Variants in TNR observed in about 807,000 individuals in gnomAD.
TNR encodes the protein tenascin R.
Under a neutral mutation model 150.4 loss-of-function variants are expected in TNR, and 45 were observed. That is an observed-to-expected ratio of 0.30 (90% CI 0.24 to 0.38). The LOEUF (loss-of-function observed/expected upper bound fraction) is 0.38. TNR is among the 10% of genes least tolerant of loss of function. TNR has a pLI of 1.00. For missense variants in TNR, 1,544 were observed against 1,759.1 expected (o/e 0.88, Z 2.19); for synonymous variants, 687 against 678.4 (o/e 1.01, Z -0.20).
intron 1 of TNR, among the ~76,000 whole-genome samples, chr1:175,572,218 A>AGTTGG (rs1661902360): frequency 6.6e-6 from 1 of 152,234 alleles, no homozygotes; most frequent in South Asian, 2.1e-4. Flanking sequence ...CAGTTGGCTT[A>AGTTGG]AAGAGTAGCC....
chr1:175,708,771 A>G (rs1666911793), intron 1 of TNR, among the ~76,000 whole-genome samples: 1 of 152,204 alleles, frequency 6.6e-6, no homozygotes, highest in Non-Finnish European at 1.5e-5. Context: ...CCAACCAACC[A>G]TTTCAGACAA....
intron 1 of TNR, among the ~76,000 whole-genome samples, chr1:175,667,705 A>T (rs1266385164): frequency 6.6e-6 from 1 of 152,194 alleles, no homozygotes; most frequent in Non-Finnish European, 1.5e-5. Flanking sequence ...GGAGCTGCAG[A>T]TCCTGCTTCT....
intron 2 of TNR, among the ~76,000 whole-genome samples, chr1:175,418,672 C>T (rs546421868): frequency 2.0e-5 from 3 of 150,626 alleles, no homozygotes; most frequent in Non-Finnish European, 3.0e-5. Context: ...TGCAGTGAGC[C>T]GAGATTGTGC....
At chr1:175,513,420 G>T (rs1013236368) in intron 2 of TNR, among the ~76,000 whole-genome samples, 2 of 152,140 alleles carry the variant, frequency 1.3e-5, no homozygotes, top group African/African-American at 4.8e-5. Context: ...GAGTTGGTCT[G>T]CCTGCAGAGA....
chr1:175,719,150 G>T (rs1028832564), intron 1 of TNR, among the ~76,000 whole-genome samples: 2 of 152,162 alleles, frequency 1.3e-5, no homozygotes, highest in Admixed American at 1.3e-4. Context: ...CCCTACAGAA[G>T]CATGGGTGAG....
intron 2 of TNR, among the ~76,000 whole-genome samples, chr1:175,493,459 C>A (rs527598697): frequency 6.6e-6 from 1 of 152,194 alleles, no homozygotes; most frequent in African/African-American, 2.4e-5. Context: ...GAGACCAGGG[C>A]GGCCTCTCTG....
At chr1:175,329,965 G>A in intron 21 of TNR, 109 bp downstream of exon 21, 1 of 1,222,382 alleles carries the variant, frequency 8.2e-7, no homozygotes, top group Middle Eastern at 3.1e-4. Context: ...AGCAGCGAAT[G>A]CTGGAACTCT....
intron 2 of TNR, among the ~76,000 whole-genome samples, chr1:175,527,090 C>A (rs1470967870): frequency 1.3e-5 from 2 of 152,230 alleles, no homozygotes; most frequent in Non-Finnish European, 2.9e-5. Flanking sequence ...TAATACACTG[C>A]CAGTGTTGCT....
rs1649164463 is a variant in TNR, at chr1:175,323,330, A to G, written c.*27T>C. The G allele has an allele frequency of 6.2e-7, 1 of 1,609,236 alleles. No homozygotes were observed. The highest frequency in any genetic ancestry group is 1.3e-5 in the African/African-American group (1 of 74,680). ...AAAATACAAACAAATGACAGAAAATATTGGTTGGCTTGCAGCCGCCCACTG... is the reference window on the plus strand; with the variant it reads ...AAAATACAAACAAATGACAGAAAATGTTGGTTGGCTTGCAGCCGCCCACTG... On this transcript the variant is annotated 3_prime_UTR_variant, in exon 23 of 23. Transcript: ENST00000367674.
intron 2 of TNR, among the ~76,000 whole-genome samples, chr1:175,480,443 G>GAAA (rs199763120): frequency 2.1e-5 from 2 of 94,652 alleles, no homozygotes; most frequent in Admixed American, 1.0e-4. Flanking sequence ...AAGAAAGAAA[G>GAAA]AGAAAGAAAG....
intron 2 of TNR, among the ~76,000 whole-genome samples, chr1:175,461,315 C>A (rs1210984172): frequency 2.0e-5 from 3 of 152,164 alleles, no homozygotes; most frequent in African/African-American, 7.2e-5. Flanking sequence ...CGGAAAGATG[C>A]AATTTACCTC....
intron 21 of TNR, 63 bp from the exon 22 acceptor site, chr1:175,324,582 A>G: frequency 1.3e-6 from 2 of 1,570,648 alleles, no homozygotes; most frequent in Middle Eastern, 1.7e-4. Flanking sequence ...GATTTTCTGG[A>G]CACTTGACCC....
At chr1:175,542,045 G>C (rs1660520417) in intron 1 of TNR, among the ~76,000 whole-genome samples, 1 of 152,098 alleles carries the variant, frequency 6.6e-6, no homozygotes, top group Admixed American at 6.5e-5. Context: ...CCTGGCACTA[G>C]GGTAAGACTG....
At chr1:175,633,172 A>G (rs12070878) in intron 1 of TNR, among the ~76,000 whole-genome samples, 3,319 of 152,068 alleles carry the variant, frequency 0.022, 130 homozygotes, top group African/African-American at 0.074. Flanking sequence ...ACCTACATCC[A>G]TCCTCTTCAA....
chr1:175,601,985 C>T (rs1047112622), intron 1 of TNR, among the ~76,000 whole-genome samples: 2 of 152,038 alleles, frequency 1.3e-5, no homozygotes, highest in South Asian at 2.1e-4. Context: ...TTGGCCTGCC[C>T]CAGCACCCCA....
At chr1:175,546,233 G>A (rs1166889140) in intron 1 of TNR, among the ~76,000 whole-genome samples, 1 of 152,212 alleles carries the variant, frequency 6.6e-6, no homozygotes, top group African/African-American at 2.4e-5. Flanking sequence ...ATCAGAGCAA[G>A]GGCACATGGA....
At chr1:175,634,015 G>A (rs905929465) in intron 1 of TNR, among the ~76,000 whole-genome samples, 2 of 79,798 alleles carry the variant, frequency 2.5e-5, no homozygotes, top group African/African-American at 8.0e-5. Context: ...TGATGATGAC[G>A]ATGATGATGA....
At chr1:175,524,561 A>C (rs1419895819) in intron 2 of TNR, among the ~76,000 whole-genome samples, 1 of 152,124 alleles carries the variant, frequency 6.6e-6, no homozygotes, top group Non-Finnish European at 1.5e-5. Context: ...GGAAGAGACC[A>C]AGGACTCATT....
At chr1:175,569,932 C>T (rs1264248592) in intron 1 of TNR, among the ~76,000 whole-genome samples, 1 of 152,188 alleles carries the variant, frequency 6.6e-6, no homozygotes, top group East Asian at 1.9e-4. Context: ...CTCTTCCAGT[C>T]TACCCCTCAG....
Sources: gnomAD v4.1 joint callset for allele counts (sites outside exome capture counted in the v4.1 genomes callset) on GRCh38, gnomAD v4.1.1 for gene constraint, MANE v1.5 for transcripts, NCBI Gene and HGNC (gene_info 2026-07-23, HGNC 2026-07-21) for gene names.